FNDC3A: variants seen among roughly 807,000 people sequenced by gnomAD.
FNDC3A encodes the protein fibronectin type-III domain-containing protein 3A.
A neutral mutation model predicts 148.9 loss-of-function variants in FNDC3A; 32 were observed. The observed-to-expected ratio is 0.21, with a 90% CI of 0.16 to 0.29. The LOEUF (loss-of-function observed/expected upper bound fraction) is 0.29. FNDC3A is among the 10% of genes least tolerant of loss of function. The pLI, the probability that FNDC3A is intolerant of heterozygous loss-of-function variation, is 1.00. For missense variants in FNDC3A, 1,191 were observed against 1,452.8 expected, an observed-to-expected ratio of 0.82 and a Z score of 2.93; for synonymous variants, 472 against 473.6, an observed-to-expected ratio of 1.00 and a Z score of 0.04.
chr13:49,114,637 T>C lies in FNDC3A; in HGVS notation c.176-18T>C. The C allele has an allele frequency of 6.3e-7, 1 of 1,582,358 alleles. No homozygotes were observed. The highest frequency in any genetic ancestry group is 8.7e-7 in the Non-Finnish European group (1 of 1,151,052). On this transcript the variant is annotated intron_variant, in intron 3 of 25. Transcript: ENST00000492622. ...TAAGCAATCATGGGTTAATACATCA[T>C]TTATGTGACCCATTCAGGTCCTGCT...
At chr13:49,068,963 A>T (rs1483825436) in intron 2 of FNDC3A, among the ~76,000 whole-genome samples, 1 of 152,208 alleles carries the variant, frequency 6.6e-6, no homozygotes, top group Non-Finnish European at 1.5e-5. Flanking sequence ...TACTAGATTT[A>T]GTACCTGGGT....
intron 7 of FNDC3A, among the ~76,000 whole-genome samples, chr13:49,140,729 A>G (rs190577418): frequency 2.6e-5 from 4 of 152,370 alleles, no homozygotes; most frequent in African/African-American, 9.6e-5. Context: ...AGCAAAGGAT[A>G]GACACGGGCT....
chr13:49,056,647 T>G (rs1876267507), intron 2 of FNDC3A, among the ~76,000 whole-genome samples: 1 of 152,196 alleles, frequency 6.6e-6, no homozygotes, highest in African/African-American at 2.4e-5. Context: ...ACATATTTTG[T>G]TTTTCCAGTT....
intron 2 of FNDC3A, among the ~76,000 whole-genome samples, chr13:49,017,125 G>A (rs2137630000): frequency 6.6e-6 from 1 of 152,184 alleles, no homozygotes; most frequent in Admixed American, 6.5e-5. Flanking sequence ...GGTCTGCTTG[G>A]TGCAGAGCTG....
chr13:49,165,263 G>A (rs1884389881), intron 8 of FNDC3A, among the ~76,000 whole-genome samples: 1 of 152,106 alleles, frequency 6.6e-6, no homozygotes, highest in Non-Finnish European at 1.5e-5. Flanking sequence ...GTGTCCTTAT[G>A]TCAGTATCCA....
chr13:49,160,897 G>C (rs574682047), intron 8 of FNDC3A, among the ~76,000 whole-genome samples: 22 of 152,030 alleles, frequency 1.4e-4, no homozygotes, highest in Non-Finnish European at 3.1e-4. Context: ...CATTCAGGAG[G>C]AGGTTGTTCA....
intron 1 of FNDC3A, among the ~76,000 whole-genome samples, chr13:48,990,377 A>G (rs1951890763): frequency 1.3e-5 from 2 of 152,166 alleles, no homozygotes; most frequent in Admixed American, 1.3e-4. Context: ...TGGAAGTGGT[A>G]ACTATCTGGG....
intron 3 of FNDC3A, among the ~76,000 whole-genome samples, chr13:49,091,364 T>C (rs1593577375): frequency 6.6e-6 from 1 of 150,438 alleles, no homozygotes; most frequent in Non-Finnish European, 1.5e-5. Flanking sequence ...AAACAACTCC[T>C]GGGGCTGTGA....
intron 3 of FNDC3A, among the ~76,000 whole-genome samples, chr13:49,076,207 A>C (rs1225174790): frequency 6.6e-6 from 1 of 152,018 alleles, no homozygotes; most frequent in Admixed American, 6.6e-5. Flanking sequence ...TCTGCTGTTT[A>C]CTAGCTACAT....
intron 3 of FNDC3A, among the ~76,000 whole-genome samples, chr13:49,093,561 C>T (rs557650762): frequency 2.6e-5 from 4 of 152,106 alleles, no homozygotes; most frequent in Non-Finnish European, 5.9e-5. Flanking sequence ...AATAATTCGC[C>T]TGTAGTTACC....
At chr13:49,175,735 G>A (rs941307416) in intron 13 of FNDC3A, among the ~76,000 whole-genome samples, 194 bp downstream of exon 13, 9 of 152,122 alleles carry the variant, frequency 5.9e-5, no homozygotes, top group Admixed American at 5.2e-4. Context: ...AGAACTTCCA[G>A]TACTATGTTG....
At chr13:49,131,600 G>C (rs1309486266) in intron 5 of FNDC3A, among the ~76,000 whole-genome samples, 1 of 152,174 alleles carries the variant, frequency 6.6e-6, no homozygotes, top group Non-Finnish European at 1.5e-5. Context: ...ATATCATGCA[G>C]CACTACTTAG....
chr13:49,159,000 A>C (rs1208924639), intron 8 of FNDC3A, among the ~76,000 whole-genome samples: 7 of 152,120 alleles, frequency 4.6e-5, no homozygotes, highest in African/African-American at 1.4e-4. Context: ...CTTACCAGTA[A>C]CATGCTGTTT....
intron 2 of FNDC3A, among the ~76,000 whole-genome samples, chr13:49,019,632 A>T (rs1873166864): frequency 6.6e-6 from 1 of 152,266 alleles, no homozygotes; most frequent in Middle Eastern, 3.4e-3. Context: ...CCTCCCCTAC[A>T]TTAATTTTTC....
rs185054984 is a variant in FNDC3A at position 49,164,848 on chromosome 13, C to T, written c.978-2396C>T. Among the ~76,000 whole-genome samples, 7 of 152,258 alleles carry T rather than the reference C, an allele frequency of 4.6e-5. No homozygotes were observed. In the South Asian group the frequency reaches 6.2e-4, roughly 14 times the overall value. On this transcript the variant is annotated intron_variant, in intron 8 of 25. Coordinates refer to ENST00000492622, the MANE Select transcript of FNDC3A (RefSeq NM_001079673.2). The stretch of plus-strand genomic sequence containing the variant: ...CTGGTCTTGAACTCCTGAGGTGATC[C>T]GCCTGCCTCGGCCTCCCGAAGTTTA...
intron 4 of FNDC3A, among the ~76,000 whole-genome samples, chr13:49,125,155 T>C (rs1321226936): frequency 6.6e-6 from 1 of 152,198 alleles, no homozygotes; most frequent in African/African-American, 2.4e-5. Context: ...TTTGCTTTTA[T>C]GATGGCACGC....
chr13:49,189,784 A>G (rs748985948), intron 17 of FNDC3A, among the ~76,000 whole-genome samples: 4 of 152,210 alleles, frequency 2.6e-5, no homozygotes, highest in Non-Finnish European at 5.9e-5. Flanking sequence ...GCATTTTTAC[A>G]TAGATAGCTT....
At chr13:49,043,600 A>G (rs768457999) in intron 2 of FNDC3A, among the ~76,000 whole-genome samples, 34 of 152,174 alleles carry the variant, frequency 2.2e-4, no homozygotes, top group Non-Finnish European at 3.2e-4. Flanking sequence ...TAATTGGAAT[A>G]TGATCCTTGT....
rs759398399 is a variant in FNDC3A at position 49,198,160 on chromosome 13, C to G, written c.2669C>G (p.Ser890Trp). The change falls in exon 22 of 26, where the codon TCG (serine) becomes TGG (tryptophan). Residue 890 changes from serine to tryptophan, a missense_variant. Around this residue, in one of 3 missense-constraint regions of FNDC3A, gnomAD observed 751 missense variants for 944.0 expected, o/e 0.80. Coordinates refer to ENST00000492622, the MANE Select transcript of FNDC3A (RefSeq NM_001079673.2). ...ISWEKPCDHG[S>W]EILAYSIDFG... is the part of the protein sequence containing the mutation. The stretch of plus-strand genomic sequence containing the variant: ...TGGGAAAAGCCTTGTGATCATGGTT[C>G]GGAAATCCTTGCCTACAGCATAGAC... 7.4e-6 allele frequency: 12 copies of G among 1,613,994 alleles called. No homozygotes were observed. Among genetic ancestry groups the G allele is most frequent in the Admixed American group, 6.7e-5 (4 of 59,994 alleles).
Sources: gnomAD v4.1 joint callset for allele counts (sites outside exome capture counted in the v4.1 genomes callset) on GRCh38, gnomAD v4.1.1 for gene constraint, gnomAD v4.1.1 regional missense constraint, MANE v1.5 for transcripts, NCBI Gene and HGNC (gene_info 2026-07-23, HGNC 2026-07-21) for gene names.